Variants in GARRE1 observed in about 807,000 individuals in gnomAD.
GARRE1 encodes granule associated Rac and RHOG effector protein 1.
Under a neutral mutation model 103.2 loss-of-function variants are expected in GARRE1, and 49 were observed. The observed-to-expected ratio is 0.47, with a 90% CI of 0.38 to 0.60. GARRE1 has a LOEUF of 0.60. Ranked by LOEUF, GARRE1 falls within the 20% of genes least tolerant of loss-of-function variation. GARRE1 has a pLI of 0.00. For missense variants in GARRE1, 1,199 were observed against 1,370.5 expected (o/e 0.87, Z 1.98); for synonymous variants, 505 against 532.8 (o/e 0.95, Z 0.72).
chr19:34,331,476 CACTGT>C (rs1470748649), intron 7 of GARRE1, among the ~76,000 whole-genome samples: 1 of 152,166 alleles, frequency 6.6e-6, no homozygotes, highest in Non-Finnish European at 1.5e-5. Flanking sequence ...CCCATCCAGT[CACTGT>C]ATACCGCTGC....
At chr19:34,303,971 T>G (rs1323810785) in intron 2 of GARRE1, among the ~76,000 whole-genome samples, 3 of 152,200 alleles carry the variant, frequency 2.0e-5, no homozygotes, top group African/African-American at 7.2e-5. Flanking sequence ...TCAGCTTTAC[T>G]TTGTGGGCCC....
intron 1 of GARRE1, among the ~76,000 whole-genome samples, chr19:34,258,039 G>A (rs1042613159): frequency 5.3e-5 from 8 of 151,632 alleles, no homozygotes; most frequent in South Asian, 2.1e-4. Flanking sequence ...ACAGGTCTGC[G>A]CCACCACCCC....
rs56046544 is a variant in GARRE1 at position 34,352,399 on chromosome 19, C to CAA, written c.2905-232_2905-231dup. On this transcript the variant is annotated intron_variant, in intron 13 of 13. Transcript: ENST00000299505. Reference sequence around the variant, plus strand: ...CCTGGGCGAGAGACAGACTGCATCTCAAAAAAAAAAAAAAAAAGTTCCTTT... The same window carrying CAA: ...CCTGGGCGAGAGACAGACTGCATCTCAAAAAAAAAAAAAAAAAAAGTTCCTTT... Among the ~76,000 whole-genome samples, 29 of 88,438 alleles carry CAA rather than the reference C, an allele frequency of 3.3e-4. No homozygotes were observed. In the East Asian group the frequency reaches 4.3e-3, roughly 13 times the overall value. 58.0% of individuals were successfully genotyped at this position (88,438 alleles called of 152,430 possible). A position where few individuals can be genotyped will look rare whatever the true frequency, so the allele number is the denominator to read the frequency against.
intron 2 of GARRE1, among the ~76,000 whole-genome samples, chr19:34,308,724 T>G (rs1179330316): frequency 6.6e-6 from 1 of 152,250 alleles, no homozygotes; most frequent in Non-Finnish European, 1.5e-5. Flanking sequence ...CTCATTATTC[T>G]GATAAATGCT....
chr19:34,279,712 G>A (rs959172245), intron 1 of GARRE1, among the ~76,000 whole-genome samples: 4 of 152,104 alleles, frequency 2.6e-5, no homozygotes, highest in African/African-American at 4.8e-5. Context: ...TTGGCCGGGC[G>A]CGGTGGCTCA....
chr19:34,339,931 C>G lies in GARRE1; in HGVS notation c.1426C>G (p.Leu476Val). 6.2e-7 allele frequency: 1 copy of G among 1,613,834 alleles called. No homozygotes were observed. The highest frequency in any genetic ancestry group is 1.1e-5 in the South Asian group (1 of 91,060). ...GAGAAGCCTTGATCCTGAGAAGACCCTGGGTCTAGTGGACGTGCTCTACAC... is the reference window on the plus strand; with the variant it reads ...GAGAAGCCTTGATCCTGAGAAGACCGTGGGTCTAGTGGACGTGCTCTACAC... ...LQRSLDPEKT[L>V]GLVDVLYTAV... Residue 476 changes from leucine (L) to valine (V), a missense_variant, in exon 9 of 14, where the codon CTG becomes GTG. By Grantham distance (32) the Leu-to-Val change is conservative. Coordinates refer to ENST00000299505, the MANE Select transcript of GARRE1 (RefSeq NM_014686.5).
At chr19:34,254,645 G>GGGCT (rs2073658442) in intron 1 of GARRE1, 31 bp downstream of exon 1, 2 of 147,464 alleles carry the variant, frequency 1.4e-5, no homozygotes, top group South Asian at 1.8e-4. Context: ...GCGCAGGCGG[G>GGGCT]GGCTGGCGGG....
At chr19:34,342,606 G>A (rs2074192171) in intron 10 of GARRE1, 151 bp downstream of exon 10, 1 of 698,208 alleles carries the variant, frequency 1.4e-6, no homozygotes, top group Non-Finnish European at 2.4e-6. Flanking sequence ...GCAAGTATGG[G>A]GCAGATCTAC....
chr19:34,314,093 G>GC (rs1397951572), intron 2 of GARRE1, among the ~76,000 whole-genome samples: 3 of 152,120 alleles, frequency 2.0e-5, no homozygotes, highest in African/African-American at 7.2e-5. Context: ...GAGCCACCGT[G>GC]CCCGGCCAAA....
chr19:34,318,102 T>C (rs1248662704), intron 2 of GARRE1, among the ~76,000 whole-genome samples: 2 of 152,168 alleles, frequency 1.3e-5, no homozygotes, highest in African/African-American at 4.8e-5. Flanking sequence ...TTGTTTGCTT[T>C]AGTTTGGTCC....
Position 34,341,429 on chromosome 19 carries a change from G to C in GARRE1, c.1495G>C (p.Ala499Pro). The change falls in exon 10 of 14, where the codon GCT becomes CCT. Residue 499 changes from alanine (A) to proline (P), a missense_variant. Transcript: ENST00000299505. ...AAATTTCTGTTTAAATAGGGAGCAA[G>C]CTTTACCCTGCATACAGATCCAGCT... ...LNRWRAGREQ[A>P]LPCIQIQLQR... is the part of the protein sequence containing the mutation. 1.2e-6 allele frequency: 2 copies of C among 1,611,162 alleles called. No homozygotes were observed. Among genetic ancestry groups the C allele is most frequent in the Non-Finnish European group, 1.7e-6 (2 of 1,179,126 alleles).
At chr19:34,298,556 T>A (rs993443948) in intron 1 of GARRE1, among the ~76,000 whole-genome samples, 11 of 151,216 alleles carry the variant, frequency 7.3e-5, no homozygotes, top group Non-Finnish European at 1.5e-4. Context: ...CTACTAAAAG[T>A]ACAAAAATTA....
At position 34,300,793 on chromosome 19, in the gene GARRE1, A is replaced by G. The variant is rs1299711551; in HGVS notation, c.320A>G (p.Asn107Ser). 3.1e-6 allele frequency: 5 copies of G among 1,613,774 alleles called. No individual in the cohort carries two copies. In the Admixed American group the frequency reaches 6.7e-5, roughly 22 times the overall value. Reference sequence around the variant, plus strand: ...GATCTCTTCAGCACTGTGTTCAGGAACTCTCACTACTCAAAGGCAGCCACA... The same window carrying G: ...GATCTCTTCAGCACTGTGTTCAGGAGCTCTCACTACTCAAAGGCAGCCACA... The part of the protein sequence containing the change: ...LTDLFSTVFR[N>S]SHYSKAATQL... Residue 107 changes from asparagine to serine, a missense_variant, in exon 2 of 14, where the codon AAC (asparagine) becomes AGC (serine). Physicochemically the swap from Asn to Ser is conservative, Grantham distance 46. Coordinates refer to ENST00000299505, the MANE Select transcript of GARRE1 (RefSeq NM_014686.5).
Position 34,349,047 on chromosome 19 carries a change from C to T in GARRE1, c.2719C>T (p.Gln907Ter). Reference sequence around the variant, plus strand: ...CCTGCACGGTGGCTGGTCGGGTGCTCAGGGAGACTCTGCCAGCTCGAGTGA... The same window carrying T: ...CCTGCACGGTGGCTGGTCGGGTGCTTAGGGAGACTCTGCCAGCTCGAGTGA... Reference protein sequence around the residue: ...DGLHGGWSGAQGDSASSSDET... With the variant: ...DGLHGGWSGA Residue 907 changes from glutamine (Q) to a stop codon, truncating the protein, a stop_gained, in exon 12 of 14, where the codon CAG becomes TAG. Transcript: ENST00000299505. LOFTEE classifies it high-confidence loss of function. 1 of 1,612,250 alleles carries T rather than the reference C, an allele frequency of 6.2e-7. No individual in the cohort carries two copies. Among genetic ancestry groups the T allele is most frequent in the Non-Finnish European group, 8.5e-7 (1 of 1,180,000 alleles).
chr19:34,282,683 C>A (rs1201247123), intron 1 of GARRE1, among the ~76,000 whole-genome samples: 1 of 152,136 alleles, frequency 6.6e-6, no homozygotes, highest in African/African-American at 2.4e-5. Context: ...CTCTGTTTTT[C>A]AATAGTCCTC....
chr19:34,256,267 T>C (rs910977889), intron 1 of GARRE1, among the ~76,000 whole-genome samples: 3 of 151,550 alleles, frequency 2.0e-5, no homozygotes, highest in Non-Finnish European at 4.4e-5. Flanking sequence ...ATCCCAGCAC[T>C]TTGGGAGGCC....
intron 2 of GARRE1, among the ~76,000 whole-genome samples, chr19:34,306,809 T>C (rs1190267259): frequency 6.6e-6 from 1 of 152,080 alleles, no homozygotes; most frequent in African/African-American, 2.4e-5. Context: ...TCCACAGATA[T>C]TTATTGTATG....
At chr19:34,256,791 C>G (rs529584010) in intron 1 of GARRE1, among the ~76,000 whole-genome samples, 52 of 152,250 alleles carry the variant, frequency 3.4e-4, no homozygotes, top group Non-Finnish European at 6.9e-4. Flanking sequence ...CTTTAAAAAT[C>G]ACAGTATTTT....
At chr19:34,267,712 A>T (rs1458080153) in intron 1 of GARRE1, among the ~76,000 whole-genome samples, 1 of 150,166 alleles carries the variant, frequency 6.7e-6, no homozygotes, top group Admixed American at 6.6e-5. Context: ...TAACTGGTGT[A>T]GACTGTTGAT....
Sources: gnomAD v4.1 joint callset for allele counts (sites outside exome capture counted in the v4.1 genomes callset) on GRCh38, gnomAD v4.1.1 for gene constraint, MANE v1.5 for transcripts, NCBI Gene and HGNC (gene_info 2026-07-23, HGNC 2026-07-21) for gene names.